CAMK2A: variants seen among roughly 807,000 people sequenced by gnomAD.
CAMK2A encodes calcium/calmodulin dependent protein kinase II alpha.
In CAMK2A, 7 loss-of-function variants were observed where a neutral mutation model predicts 79.2. That is an observed-to-expected ratio of 0.09 (90% CI 0.05 to 0.17). The LOEUF (loss-of-function observed/expected upper bound fraction) is 0.17, where lower values mean the gene tolerates loss of function less well. Among genes scored for constraint, CAMK2A ranks in the 10% least tolerant of loss-of-function variants. The pLI is 1.00. For synonymous variants in CAMK2A, 242 were observed against 251.7 expected, an observed-to-expected ratio of 0.96 and a Z score of 0.36; for missense variants, 214 against 646.4, an observed-to-expected ratio of 0.33 and a Z score of 7.25.
At chr5:150,258,549 C>G (rs140146156) in intron 3 of CAMK2A, among the ~76,000 whole-genome samples, 1 of 152,160 alleles carries the variant, frequency 6.6e-6, no homozygotes, top group Non-Finnish European at 1.5e-5. Context: ...AAACAGTATG[C>G]GTAGTACTTT....
chr5:150,223,222 A>G lies in CAMK2A; in HGVS notation c.1238-5T>C, dbSNP rs776720632. The G allele has an allele frequency of 6.5e-5, 105 of 1,611,862 alleles. No individual in the cohort carries two copies. Among genetic ancestry groups the G allele is most frequent in the Non-Finnish European group, 8.7e-5 (103 of 1,179,122 alleles). Reference sequence around the variant, plus strand: ...GCTTGCTGTTCCGGGACCACACTGGAGGAGGGGATGGGAGGGGCAGAGGAG... The same window carrying G: ...GCTTGCTGTTCCGGGACCACACTGGGGGAGGGGATGGGAGGGGCAGAGGAG... On this transcript the variant is annotated splice_region_variant and splice_polypyrimidine_tract_variant and intron_variant, in intron 17 of 18. Coordinates refer to ENST00000671881, the MANE Select transcript of CAMK2A (RefSeq NM_015981.4). The surrounding 1 kb of genome is among the most constrained non-coding windows in gnomAD (Gnocchi z 4.1).
intron 1 of CAMK2A, among the ~76,000 whole-genome samples, chr5:150,282,300 C>T (rs187544328): frequency 2.1e-4 from 32 of 152,350 alleles, no homozygotes; most frequent in Non-Finnish European, 3.1e-4. Flanking sequence ...CTGCAGGGAA[C>T]ATTGAACCAA....
chr5:150,264,931 G>C (rs1287697146), intron 3 of CAMK2A, 25 bp downstream of exon 3: 1 of 1,604,912 alleles, frequency 6.2e-7, no homozygotes, highest in Non-Finnish European at 8.5e-7. Context: ...GCTCCCCTGC[G>C]CCCCTCTCAT....
At chr5:150,225,323 A>G (rs964564915) in intron 17 of CAMK2A, among the ~76,000 whole-genome samples, 1 of 152,054 alleles carries the variant, frequency 6.6e-6, no homozygotes, top group Non-Finnish European at 1.5e-5. Flanking sequence ...ACCCCTGTGC[A>G]TAGGGTGGGA....
rs1756085390 is a variant in CAMK2A at position 150,256,958 on chromosome 5, C to T, written c.273-127G>A. 1.4e-6 allele frequency: 1 copy of T among 718,464 alleles called. No individual in the cohort carries two copies. Among genetic ancestry groups the T allele is most frequent in the Non-Finnish European group, 2.3e-6 (1 of 436,296 alleles). 44.5% of individuals were successfully genotyped at this position (718,464 alleles called of 1,614,324 possible). Reference sequence around the variant, plus strand: ...GACCTCAGCCACAAAAGGAGGGGCCCCAGGGTCACGGGGGTGTCCCCTGCT... The same window carrying T: ...GACCTCAGCCACAAAAGGAGGGGCCTCAGGGTCACGGGGGTGTCCCCTGCT... On this transcript the variant is annotated intron_variant, in intron 4 of 18. Transcript: ENST00000671881. This position sits in a 1 kb window ranked among gnomAD's most constrained non-coding sequence, Gnocchi z 4.6.
Position 150,233,525 on chromosome 5 carries a change from T to C in CAMK2A, c.1067-2145A>G, listed in dbSNP as rs74521246. On this transcript the variant is annotated intron_variant, in intron 15 of 18. Coordinates refer to ENST00000671881, the MANE Select transcript of CAMK2A (RefSeq NM_015981.4). ...GGTCACACAGGTGTTGCTGCACCTC[T>C]CTCTCTGGGGACTTTCCTGGGGCTG... is the stretch of plus-strand genomic sequence containing the variant. Among the ~76,000 whole-genome samples the C allele has an allele frequency of 4.7e-3, 723 of 152,216 alleles. 4 individuals are homozygous for C. The highest frequency in any genetic ancestry group is 0.017 in the African/African-American group (687 of 41,532).
chr5:150,222,359 CT>C lies in CAMK2A; in HGVS notation c.*350del. ...TGCCACCCCTCCTTCTCCCCAGCCC[CT>C]GGTGGGCACCAGCCCGGGCATTCTA... On this transcript the variant is annotated 3_prime_UTR_variant, in exon 19 of 19. Coordinates refer to ENST00000671881, the MANE Select transcript of CAMK2A (RefSeq NM_015981.4). 1.7e-6 allele frequency: 1 copy of C among 597,524 alleles called. No individual in the cohort carries two copies. Among genetic ancestry groups the C allele is most frequent in the Non-Finnish European group, 3.0e-6 (1 of 338,004 alleles). The allele number at this position is 597,524 out of a possible 1,614,324, so 37.0% of individuals were successfully genotyped here.
chr5:150,283,238 G>A (rs1757288155), intron 1 of CAMK2A, among the ~76,000 whole-genome samples: 1 of 152,196 alleles, frequency 6.6e-6, no homozygotes, highest in South Asian at 2.1e-4. Flanking sequence ...AGAGAAGAGT[G>A]GGACCCCAGA....
At chr5:150,267,391 G>C (rs1442808229) in intron 2 of CAMK2A, among the ~76,000 whole-genome samples, 1 of 152,232 alleles carries the variant, frequency 6.6e-6, no homozygotes, top group Non-Finnish European at 1.5e-5. Flanking sequence ...CCCAAATCCA[G>C]AATGTTGCTG....
intron 3 of CAMK2A, among the ~76,000 whole-genome samples, chr5:150,262,644 C>T (rs1756348095): frequency 6.6e-6 from 1 of 152,156 alleles, no homozygotes; most frequent in East Asian, 1.9e-4. Context: ...GTAAATGACT[C>T]AATGATGATG....
chr5:150,222,968 G>T (rs780851170), intron 18 of CAMK2A, 21 bp downstream of exon 18: 31 of 1,597,196 alleles, frequency 1.9e-5, no homozygotes, highest in Non-Finnish European at 1.3e-5. Context: ...ACCCTGGGAG[G>T]CAGGAAGGAG....
intron 3 of CAMK2A, among the ~76,000 whole-genome samples, chr5:150,263,878 A>G (rs1467917312): frequency 6.6e-6 from 1 of 152,214 alleles, no homozygotes; most frequent in East Asian, 1.9e-4. Flanking sequence ...CTGCCAACCC[A>G]GGGATGTCTC....
At chr5:150,265,267 A>C in intron 2 of CAMK2A, 1 of 480,016 alleles carries the variant, frequency 2.1e-6, no homozygotes, top group East Asian at 3.9e-5. Flanking sequence ...ATGATTCTTA[A>C]ATGTGAGGCT....
chr5:150,260,714 C>G (rs1272109047), intron 3 of CAMK2A, among the ~76,000 whole-genome samples: 1 of 152,152 alleles, frequency 6.6e-6, no homozygotes, highest in Non-Finnish European at 1.5e-5. Flanking sequence ...CATATGGTAG[C>G]ACGTATCATT....
intron 16 of CAMK2A, among the ~76,000 whole-genome samples, chr5:150,231,096 A>G (rs919358282): frequency 1.3e-5 from 2 of 152,194 alleles, no homozygotes; most frequent in African/African-American, 4.8e-5. Context: ...GAGGAGGAGG[A>G]GGACTGACAT....
intron 15 of CAMK2A, among the ~76,000 whole-genome samples, chr5:150,236,549 T>C (rs778085555): frequency 3.9e-5 from 6 of 152,216 alleles, no homozygotes; most frequent in African/African-American, 2.4e-5. Context: ...GAGTAAGTTG[T>C]CTGAGGTCAT....
intron 15 of CAMK2A, among the ~76,000 whole-genome samples, chr5:150,234,552 T>A (rs1754984035): frequency 6.6e-6 from 1 of 152,260 alleles, no homozygotes; most frequent in Admixed American, 6.5e-5. Context: ...AGCCAGTTGC[T>A]GTTCCGAGTC....
At chr5:150,273,773 G>A (rs1303606703) in intron 1 of CAMK2A, among the ~76,000 whole-genome samples, 1 of 152,190 alleles carries the variant, frequency 6.6e-6, no homozygotes. Context: ...TACTTAGTAT[G>A]TAATTGTATG....
At chr5:150,247,499 G>A (rs970683114) in intron 12 of CAMK2A, among the ~76,000 whole-genome samples, 6 of 152,170 alleles carry the variant, frequency 3.9e-5, no homozygotes, top group Admixed American at 6.5e-5. Context: ...CCCTCTAGGC[G>A]GCCCAGCCTG....
Sources: gnomAD v4.1 joint callset for allele counts (sites outside exome capture counted in the v4.1 genomes callset) on GRCh38, gnomAD v4.1.1 for gene constraint, Gnocchi (gnomAD v3.1) non-coding constraint, MANE v1.5 for transcripts, NCBI Gene and HGNC (gene_info 2026-07-23, HGNC 2026-07-21) for gene names.